The following KALRN variants were observed in gnomAD, a reference collection of about 807,000 sequenced individuals.
The protein encoded by KALRN is kalirin.
In KALRN, 70 loss-of-function variants were observed where a neutral mutation model predicts 353.7. The ratio of observed to expected loss-of-function variants is 0.20; its 90% CI spans 0.16 to 0.24. The LOEUF is 0.24. Among genes scored for constraint, KALRN ranks in the 10% least tolerant of loss-of-function variants. The pLI is 1.00. For synonymous variants in KALRN, 1,391 were observed against 1,434.8 expected (o/e 0.97, Z 0.69); for missense variants, 2,791 against 3,756.7 (o/e 0.74, Z 6.72).
chr3:124,097,136 C>A (rs2061506681), intron 1 of KALRN, among the ~76,000 whole-genome samples: 3 of 152,204 alleles, frequency 2.0e-5, no homozygotes, highest in Admixed American at 2.0e-4. Context: ...TACCCACATC[C>A]ATATTCAAAA....
intron 1 of KALRN, among the ~76,000 whole-genome samples, chr3:124,041,745 C>T (rs2039989341): frequency 6.6e-6 from 1 of 152,180 alleles, no homozygotes; most frequent in Non-Finnish European, 1.5e-5. Flanking sequence ...GTCCTCCTGC[C>T]ACTCCTTTGT....
At position 124,611,364 on chromosome 3, in the gene KALRN, G is replaced by A. The variant is rs74768386; in HGVS notation, c.5183-21056G>A. On this transcript the variant is annotated intron_variant, in intron 34 of 59. Transcript: ENST00000682506. ...AGATACCAGGTGACTTGTTGGTGTG[G>A]GAAATATGAGCAGATAGTAAGGAGG... Among the ~76,000 whole-genome samples the A allele has an allele frequency of 7.9e-3, 1,200 of 152,320 alleles. 16 individuals are homozygous for A. Among genetic ancestry groups the A allele is most frequent in the African/African-American group, 0.026 (1,066 of 41,558 alleles).
chr3:124,154,377 A>C (rs1364637151), intron 1 of KALRN, among the ~76,000 whole-genome samples: 1 of 152,210 alleles, frequency 6.6e-6, no homozygotes, highest in African/African-American at 2.4e-5. Context: ...GTCTCAGCCC[A>C]AAATCTCCTT....
Position 124,658,507 on chromosome 3 carries a change from C to A in KALRN, c.6113C>A (p.Ala2038Asp), listed in dbSNP as rs544425646. 9.9e-5 allele frequency: 160 copies of A among 1,613,822 alleles called. No homozygotes were observed. In the South Asian group the frequency reaches 1.7e-3, roughly 17 times the overall value. ...GAGTACATCGTTGCTGAGTATGACG[C>A]CTACTTTGAGGTAAGCTGTGCAGGC... is the stretch of plus-strand genomic sequence containing the variant. Reference protein sequence around the residue: ...RSEYIVAEYDAYFEEVKQEIN... With the variant: ...RSEYIVAEYDDYFEEVKQEIN... The change falls in exon 42 of 60, where the codon GCC becomes GAC. Residue 2038 changes from alanine to aspartate, a missense_variant. Physicochemically the swap from Ala to Asp is moderately radical, Grantham distance 126. Around this residue, in one of 11 missense-constraint regions of KALRN, gnomAD observed 1,065 missense variants for 1,156.4 expected, o/e 0.92. Coordinates refer to ENST00000682506, the MANE Select transcript of KALRN (RefSeq NM_001388419.1).
At chr3:124,121,093 CAA>C (rs35883031) in intron 1 of KALRN, among the ~76,000 whole-genome samples, 60 of 75,102 alleles carry the variant, frequency 8.0e-4, no homozygotes, top group African/African-American at 2.7e-3. Context: ...GACTCCATCT[CAA>C]AAAAAAAAAA....
chr3:124,039,544 C>T (rs1043132210), intron 1 of KALRN, among the ~76,000 whole-genome samples: 2 of 152,288 alleles, frequency 1.3e-5, no homozygotes, highest in African/African-American at 4.8e-5. Flanking sequence ...TTTATATTCA[C>T]TGTATGATTT....
At chr3:124,540,768 C>T (rs539069010) in intron 33 of KALRN, among the ~76,000 whole-genome samples, 29 of 152,288 alleles carry the variant, frequency 1.9e-4, no homozygotes, top group African/African-American at 4.8e-4. Flanking sequence ...AGGGCCACTC[C>T]GTGGGCACCA....
intron 33 of KALRN, among the ~76,000 whole-genome samples, chr3:124,531,412 G>A (rs1018114260): frequency 5.9e-5 from 9 of 152,212 alleles, no homozygotes; most frequent in African/African-American, 2.2e-4. Flanking sequence ...ACACCTTGAA[G>A]TAGTGTTATT....
chr3:124,513,417 C>T (rs997479119), intron 33 of KALRN, among the ~76,000 whole-genome samples: 8 of 151,992 alleles, frequency 5.3e-5, no homozygotes, highest in Admixed American at 4.6e-4. Flanking sequence ...CATGGGGACA[C>T]GGGGACCCAG....
intron 1 of KALRN, among the ~76,000 whole-genome samples, chr3:124,166,432 C>T (rs780349312): frequency 2.1e-4 from 32 of 152,238 alleles, no homozygotes; most frequent in Non-Finnish European, 2.9e-4. Flanking sequence ...AGAAGCAGGA[C>T]CACCAGATAG....
intron 1 of KALRN, among the ~76,000 whole-genome samples, chr3:124,144,256 C>T (rs192074171): frequency 6.6e-6 from 1 of 152,200 alleles, no homozygotes; most frequent in African/African-American, 2.4e-5. Flanking sequence ...CTAAAAATAG[C>T]AGCATCAGCA....
intron 6 of KALRN, among the ~76,000 whole-genome samples, chr3:124,313,574 G>A (rs2078500577): frequency 6.6e-6 from 1 of 152,188 alleles, no homozygotes; most frequent in Non-Finnish European, 1.5e-5. Flanking sequence ...TAGACCCAAA[G>A]GAGAGAAGGG....
At chr3:124,278,416 G>T (rs1258287212) in intron 5 of KALRN, among the ~76,000 whole-genome samples, 3 of 151,414 alleles carry the variant, frequency 2.0e-5, no homozygotes, top group African/African-American at 7.3e-5. Context: ...GGAAACAGGG[G>T]AAAGGTTTTG....
chr3:124,615,743 A>T (rs1015592087), intron 34 of KALRN, among the ~76,000 whole-genome samples: 31 of 152,272 alleles, frequency 2.0e-4, no homozygotes, highest in Admixed American at 5.2e-4. Flanking sequence ...AGCCGTGTGT[A>T]TCTTTAGTGT....
intron 1 of KALRN, among the ~76,000 whole-genome samples, chr3:124,047,658 AATTTTTTTTT>A (rs1380412522): frequency 7.0e-5 from 10 of 142,132 alleles, no homozygotes; most frequent in African/African-American, 2.5e-4. Context: ...ACGCCTGGCT[AATTTTTTTTT>A]ATTTTTTTTT....
chr3:124,143,279 G>C (rs1460982223), intron 1 of KALRN, among the ~76,000 whole-genome samples: 1 of 152,198 alleles, frequency 6.6e-6, no homozygotes, highest in Non-Finnish European at 1.5e-5. Context: ...TCACTGTCAT[G>C]TGGATGGTGG....
At chr3:124,159,704 A>T (rs934971558) in intron 1 of KALRN, among the ~76,000 whole-genome samples, 1 of 151,646 alleles carries the variant, frequency 6.6e-6, no homozygotes, top group African/African-American at 2.4e-5. Context: ...GAACTGTTAG[A>T]CCCTCCAGTC....
At chr3:124,141,089 G>T (rs1406869990) in intron 1 of KALRN, among the ~76,000 whole-genome samples, 1 of 152,136 alleles carries the variant, frequency 6.6e-6, no homozygotes, top group African/African-American at 2.4e-5. Flanking sequence ...CAGTCACCAG[G>T]ACTTGTCTGT....
chr3:124,136,398 G>A (rs1370274563), intron 1 of KALRN, among the ~76,000 whole-genome samples: 1 of 152,140 alleles, frequency 6.6e-6, no homozygotes, highest in Non-Finnish European at 1.5e-5. Context: ...CTGCTGGTCT[G>A]GGGACCTTGC....
Sources: gnomAD v4.1 joint callset for allele counts (sites outside exome capture counted in the v4.1 genomes callset) on GRCh38, gnomAD v4.1.1 for gene constraint, gnomAD v4.1.1 regional missense constraint, MANE v1.5 for transcripts, NCBI Gene and HGNC (gene_info 2026-07-23, HGNC 2026-07-21) for gene names.